Variants in ADCY9 observed in about 807,000 individuals in gnomAD.
ADCY9 encodes adenylate cyclase 9, also known as adenylate cyclase type 9.
Under a neutral mutation model 101.5 loss-of-function variants are expected in ADCY9, and 50 were observed. The ratio of observed to expected loss-of-function variants is 0.49; its 90% confidence interval spans 0.39 to 0.62. The LOEUF (loss-of-function observed/expected upper bound fraction) is 0.62. Ranked by LOEUF, ADCY9 falls within the 20% of genes least tolerant of loss-of-function variation. ADCY9 has a pLI of 0.00. For missense variants in ADCY9, 1,662 were observed against 1,800.4 expected (o/e 0.92, Z 1.39); for synonymous variants, 905 against 769.3 (o/e 1.18, Z -2.92).
chr16:4,045,844 A>G (rs1597188907), intron 2 of ADCY9, among the ~76,000 whole-genome samples: 1 of 144,986 alleles, frequency 6.9e-6, no homozygotes, highest in East Asian at 2.0e-4. Flanking sequence ...GACTACAGAC[A>G]TGCACCACCA....
chr16:4,115,837 C>T lies in ADCY9; in HGVS notation c.-191G>A, dbSNP rs1438252428. ...CGCTCGCCTCCTCCAGCTGCGGCTC[C>T]GGAGGGAAGTTCAGACCTTGAGCGC... On this transcript the variant is annotated 5_prime_UTR_variant, in exon 1 of 11. Transcript: ENST00000294016. This position sits in a 1 kb window ranked among gnomAD's most constrained non-coding sequence, Gnocchi z 6.2. The T allele has an allele frequency of 1.5e-5, 6 of 402,080 alleles. No individual in the cohort carries two copies. The highest frequency in any genetic ancestry group is 2.2e-5 in the Non-Finnish European group (5 of 228,572). 24.9% of individuals were successfully genotyped at this position (402,080 alleles called of 1,614,324 possible). A position where few individuals can be genotyped will look rare whatever the true frequency, so the allele number is the denominator to read the frequency against.
Position 3,966,008 on chromosome 16 carries a change from C to A in ADCY9, c.3829G>T (p.Glu1277Ter). ...DGSIGRSPTD[E>*]IANLVPSVQY... ...ACAGAAGGCACCAGGTTGGCAATCTCGTCTGTGGGAGACCGTCCGATGCTG... is the reference window on the plus strand; with the variant it reads ...ACAGAAGGCACCAGGTTGGCAATCTAGTCTGTGGGAGACCGTCCGATGCTG... The change falls in exon 11 of 11, where the codon GAG becomes TAG. Residue 1277 changes from glutamate (E) to a stop codon, truncating the protein, a stop_gained. Transcript: ENST00000294016. LOFTEE classifies it low-confidence loss of function (END_TRUNC). 6.2e-7 allele frequency: 1 copy of A among 1,614,198 alleles called. No homozygotes were observed. The highest frequency in any genetic ancestry group is 1.7e-5 in the Admixed American group (1 of 60,026).
chr16:4,021,311 G>A (rs1355313173), intron 2 of ADCY9, among the ~76,000 whole-genome samples: 1 of 152,202 alleles, frequency 6.6e-6, no homozygotes, highest in African/African-American at 2.4e-5. Flanking sequence ...GGCCACGCCG[G>A]CAGCAGGTGT....
At chr16:3,968,575 G>C (rs897039665) in intron 10 of ADCY9, among the ~76,000 whole-genome samples, 1 of 152,144 alleles carries the variant, frequency 6.6e-6, no homozygotes, top group Non-Finnish European at 1.5e-5. Context: ...AAATCACTCA[G>C]GACAATGCTA....
chr16:4,105,361 G>A (rs1157108263), intron 2 of ADCY9, among the ~76,000 whole-genome samples: 7 of 151,836 alleles, frequency 4.6e-5, no homozygotes, highest in Non-Finnish European at 1.0e-4. Context: ...ATAGGGAGAC[G>A]TCATCTCTAC....
Position 4,115,546 on chromosome 16 carries a change from CGGGACCTGCTCCT to C in ADCY9, c.-43-74_-43-62del. 7.3e-7 allele frequency: 1 copy of C among 1,366,990 alleles called. No homozygotes were observed. The highest frequency in any genetic ancestry group is 9.7e-7 in the Non-Finnish European group (1 of 1,033,616). The allele number at this position is 1,366,990 out of a possible 1,614,324, so 84.7% of individuals were successfully genotyped here. A position where few individuals can be genotyped will look rare whatever the true frequency, so the allele number is the denominator to read the frequency against. On this transcript the variant is annotated intron_variant, in intron 1 of 10. Transcript: ENST00000294016. The surrounding 1 kb of genome is among the most constrained non-coding windows in gnomAD (Gnocchi z 6.2). ...ACCTAGGCATGCACGCCTAGAGGCC[CGGGACCTGCTCCT>C]GTCCTAAGGGGCGGCTCCAGCACGC...
At chr16:4,015,151 C>G (rs935825240) in intron 2 of ADCY9, among the ~76,000 whole-genome samples, 1 of 151,686 alleles carries the variant, frequency 6.6e-6, no homozygotes, top group Non-Finnish European at 1.5e-5. Context: ...CCGTGTTAGC[C>G]AGGATGGTCT....
chr16:3,991,722 C>T (rs1161478130), intron 5 of ADCY9, among the ~76,000 whole-genome samples: 2 of 145,410 alleles, frequency 1.4e-5, no homozygotes, highest in African/African-American at 5.1e-5. Context: ...GATTGAGCCA[C>T]TGCACTCCAG....
At chr16:4,085,006 T>A (rs1011410020) in intron 2 of ADCY9, among the ~76,000 whole-genome samples, 7 of 152,132 alleles carry the variant, frequency 4.6e-5, no homozygotes, top group Admixed American at 4.6e-4. Flanking sequence ...TACCCATTGG[T>A]GCCTTAGGTA....
chr16:4,063,060 G>A (rs1173127116), intron 2 of ADCY9, among the ~76,000 whole-genome samples: 1 of 152,144 alleles, frequency 6.6e-6, no homozygotes, highest in Non-Finnish European at 1.5e-5. Flanking sequence ...CTTTTCAAGT[G>A]TACATATCGC....
chr16:4,114,377 T>G lies in ADCY9; in HGVS notation c.1066A>C (p.Asn356His). The change falls in exon 2 of 11, where the codon AAT becomes CAT. Residue 356 changes from asparagine (N) to histidine (H), a missense_variant. Coordinates refer to ENST00000294016, the MANE Select transcript of ADCY9 (RefSeq NM_001116.4). This position sits in a 1 kb window ranked among gnomAD's most constrained non-coding sequence, Gnocchi z 4.3. ...GAGGTGGCATGCCTCTTGACAGAAT[T>G]CTCACTCTCCTCATCTCCCTGCTTC... ...LMKQGDEESE[N>H]SVKRHATSSP... 1 of 1,614,048 alleles carries G rather than the reference T, an allele frequency of 6.2e-7. No individual in the cohort carries two copies. The highest frequency in any genetic ancestry group is 8.5e-7 in the Non-Finnish European group (1 of 1,180,026).
chr16:4,044,112 C>A (rs1176380828), intron 2 of ADCY9, among the ~76,000 whole-genome samples: 1 of 151,968 alleles, frequency 6.6e-6, no homozygotes, highest in Non-Finnish European at 1.5e-5. Context: ...TTTGGGAGAC[C>A]CAGGTGGGCG....
intron 8 of ADCY9, 118 bp from the exon 9 acceptor site, chr16:3,977,748 A>G (rs2601774): frequency 0.81 from 1,065,823 of 1,315,118 alleles, 435,530 homozygotes; most frequent in Admixed American, 0.85. Flanking sequence ...ACTGAGTCTC[A>G]CTCTGTCGCC....
chr16:3,972,655 T>C (rs1314517872), intron 10 of ADCY9, among the ~76,000 whole-genome samples: 5 of 152,116 alleles, frequency 3.3e-5, no homozygotes, highest in African/African-American at 4.8e-5. Context: ...CTGAAAAAAA[T>C]AGAAAGCAAA....
At chr16:4,092,877 T>C (rs1370122304) in intron 2 of ADCY9, among the ~76,000 whole-genome samples, 1 of 152,138 alleles carries the variant, frequency 6.6e-6, no homozygotes, top group Non-Finnish European at 1.5e-5. Context: ...GCAAATGTGA[T>C]ACAGGAAAGC....
intron 2 of ADCY9, among the ~76,000 whole-genome samples, chr16:4,028,847 C>T (rs539329725): frequency 6.1e-4 from 93 of 151,948 alleles, no homozygotes; most frequent in Non-Finnish European, 1.1e-3. Context: ...TGCAGTGGCG[C>T]GATCTCGGCT....
chr16:4,111,235 G>C (rs113561358), intron 2 of ADCY9, among the ~76,000 whole-genome samples: 1 of 152,250 alleles, frequency 6.6e-6, no homozygotes, highest in Middle Eastern at 3.4e-3. Context: ...GATCAGAAAA[G>C]GGGGTAAGAG....
chr16:4,030,208 C>G (rs7205175), intron 2 of ADCY9, among the ~76,000 whole-genome samples: 1 of 152,046 alleles, frequency 6.6e-6, no homozygotes, highest in African/African-American at 2.4e-5. Flanking sequence ...GGATACAGTA[C>G]GTAAGTATTC....
chr16:4,014,250 C>T (rs1456652520), intron 2 of ADCY9, among the ~76,000 whole-genome samples: 1 of 147,796 alleles, frequency 6.8e-6, no homozygotes, highest in Non-Finnish European at 1.5e-5. Context: ...ACCCAGGAGG[C>T]GGAGGTTGCA....
Sources: allele counts gnomAD v4.1 joint callset (sites outside exome capture counted in the v4.1 genomes callset), GRCh38; gene constraint gnomAD v4.1.1; non-coding constraint Gnocchi (gnomAD v3.1); transcripts MANE v1.5; gene names NCBI Gene and HGNC (gene_info 2026-07-23, HGNC 2026-07-21).